Variants in PCDHGA4 observed in about 807,000 individuals in gnomAD.
PCDHGA4 encodes the protein protocadherin gamma-A4.
Under a neutral mutation model 54.6 loss-of-function variants are expected in PCDHGA4, and 38 were observed. That is an observed-to-expected ratio of 0.70 (90% CI 0.54 to 0.91). PCDHGA4 has a LOEUF of 0.91. PCDHGA4 is among the 40% of genes least tolerant of loss of function. The pLI, the probability that PCDHGA4 is intolerant of heterozygous loss-of-function variation, is 0.00. For missense variants in PCDHGA4, 1,298 were observed against 1,220.9 expected, an observed-to-expected ratio of 1.06 and a Z score of -0.94; for synonymous variants, 511 against 512.9, an observed-to-expected ratio of 1.00 and a Z score of 0.05.
chr5:141,454,351 C>T (rs1406631649), intron 1 of PCDHGA4, among the ~76,000 whole-genome samples: 2 of 152,152 alleles, frequency 1.3e-5, no homozygotes, highest in Non-Finnish European at 2.9e-5. Flanking sequence ...GAAGTTGATC[C>T]AAACTTAGAA....
In PCDHGA4 at chr5:141,355,321, G is replaced by A; in HGVS notation, c.214G>A (p.Glu72Lys). 1 of 1,613,994 alleles carries A rather than the reference G, an allele frequency of 6.2e-7. No homozygotes were observed. Residue 72 changes from glutamate (E) to lysine (K), a missense_variant, in exon 1 of 4, where the codon GAA becomes AAA. Glu to Lys is a moderately conservative substitution (Grantham distance 56). Coordinates refer to ENST00000571252, the MANE Select transcript of PCDHGA4 (RefSeq NM_018917.4). Reference protein sequence around the residue: ...ILYSVFEEQEEGSVVGNIAKD... With the variant: ...ILYSVFEEQEKGSVVGNIAKD... ...CTACTCGGTGTTTGAGGAGCAGGAA[G>A]AAGGCTCAGTGGTGGGCAACATCGC... is the stretch of plus-strand genomic sequence containing the variant.
At chr5:141,409,755 G>C (rs2095312141) in intron 1 of PCDHGA4, 1 of 1,613,024 alleles carries the variant, frequency 6.2e-7, no homozygotes, top group Non-Finnish European at 8.5e-7. Flanking sequence ...TTCGCGCAGC[G>C]CGCCTTTGAT....
At chr5:141,480,703 C>G (rs577131684) in intron 1 of PCDHGA4, among the ~76,000 whole-genome samples, 1 of 152,134 alleles carries the variant, frequency 6.6e-6, no homozygotes, top group African/African-American at 2.4e-5. Context: ...GGCCACACCC[C>G]GACAAATGAA....
intron 1 of PCDHGA4, among the ~76,000 whole-genome samples, chr5:141,380,766 T>C (rs1403335185): frequency 1.3e-5 from 2 of 152,224 alleles, no homozygotes; most frequent in Admixed American, 1.3e-4. Context: ...TATAAATTAA[T>C]TGAGACTTTT....
At chr5:141,374,245 G>A (rs1460959579) in intron 1 of PCDHGA4, 2 of 1,613,980 alleles carry the variant, frequency 1.2e-6, no homozygotes, top group Non-Finnish European at 1.7e-6. Context: ...ATCTGGGACT[G>A]GAGCCCCAGG....
intron 1 of PCDHGA4, among the ~76,000 whole-genome samples, chr5:141,455,808 A>G (rs2098832210): frequency 6.6e-6 from 1 of 152,050 alleles, no homozygotes; most frequent in Non-Finnish European, 1.5e-5. Flanking sequence ...TAAAAAATGA[A>G]AACTTCCCAA....
intron 1 of PCDHGA4, among the ~76,000 whole-genome samples, chr5:141,481,693 C>T (rs755007426): frequency 1.8e-4 from 27 of 152,020 alleles, no homozygotes; most frequent in Admixed American, 7.9e-4. Context: ...GTGGCTCACG[C>T]CTGTAATCCC....
At chr5:141,448,143 A>C (rs2098568288) in intron 1 of PCDHGA4, among the ~76,000 whole-genome samples, 1 of 152,012 alleles carries the variant, frequency 6.6e-6, no homozygotes, top group Admixed American at 6.6e-5. Context: ...ACTATACCTC[A>C]GACTCACCCC....
At chr5:141,462,584 A>C (rs959398950) in intron 1 of PCDHGA4, among the ~76,000 whole-genome samples, 1 of 152,124 alleles carries the variant, frequency 6.6e-6, no homozygotes, top group African/African-American at 2.4e-5. Context: ...CATCCAGTGA[A>C]GTTTCCATTT....
intron 1 of PCDHGA4, chr5:141,388,335 C>G: frequency 1.2e-6 from 2 of 1,613,810 alleles, no homozygotes; most frequent in Non-Finnish European, 1.7e-6. Context: ...GCCTGGCACA[C>G]GATTTATATT....
rs2099629299 is a variant in PCDHGA4, at chr5:141,486,426, A to G, written c.2515-8381A>G. ...GCTGGACCCTTGGATCGAGAGGCCA[A>G]ATCTAGCTATGACATCATGGTCACT... On this transcript the variant is annotated intron_variant, in intron 1 of 3. Transcript: ENST00000571252. The surrounding 1 kb of genome is among the most constrained non-coding windows in gnomAD (Gnocchi z 5.0). 1.9e-6 allele frequency: 3 copies of G among 1,614,190 alleles called. No individual in the cohort carries two copies. Among genetic ancestry groups the G allele is most frequent in the Non-Finnish European group, 2.5e-6 (3 of 1,180,026 alleles).
intron 3 of PCDHGA4, among the ~76,000 whole-genome samples, chr5:141,508,986 G>C (rs1298630784): frequency 2.0e-5 from 3 of 152,148 alleles, no homozygotes; most frequent in Non-Finnish European, 4.4e-5. Context: ...GTGGGGGCCA[G>C]CTGGGGTAGG....
chr5:141,388,941 C>G, intron 1 of PCDHGA4: 1 of 1,613,962 alleles, frequency 6.2e-7, no homozygotes, highest in South Asian at 1.1e-5. Context: ...TCTACCCAAC[C>G]TAATTATGGA....
At chr5:141,384,614 C>G (rs759348931) in intron 1 of PCDHGA4, 2 of 1,614,222 alleles carry the variant, frequency 1.2e-6, no homozygotes, top group Admixed American at 3.3e-5. Context: ...ACAGATGGTT[C>G]TACTGGCATG....
intron 1 of PCDHGA4, among the ~76,000 whole-genome samples, chr5:141,475,007 G>A (rs1017671344): frequency 2.0e-5 from 3 of 152,178 alleles, no homozygotes; most frequent in East Asian, 1.9e-4. Flanking sequence ...ATGCAGAAAA[G>A]TTAAGGCTCT....
chr5:141,393,304 T>A, intron 1 of PCDHGA4: 1 of 1,613,798 alleles, frequency 6.2e-7, no homozygotes, highest in African/African-American at 1.3e-5. Flanking sequence ...GATGTGGGCG[T>A]GAACTCCCTC....
At chr5:141,370,806 A>C in intron 1 of PCDHGA4, 1 of 1,614,054 alleles carries the variant, frequency 6.2e-7, no homozygotes, top group Non-Finnish European at 8.5e-7. Context: ...CCAAAATATC[A>C]CTGAGCTGGA....
rs187164796 is a variant in PCDHGA4, at chr5:141,398,527, A to C, written c.2514+40906A>C. On this transcript the variant is annotated intron_variant, in intron 1 of 3. Transcript: ENST00000571252. ...CATTAATGACCACACGCCAAAATTC[A>C]CGCAAAATTCCTTTGAGCTGCAAAT... 1.8e-3 allele frequency: 2,980 copies of C among 1,613,696 alleles called. 47 individuals are homozygous for C. The African/African-American group carries it at 0.033, about 18-fold the overall frequency.
chr5:141,405,295 C>T lies in PCDHGA4; in HGVS notation c.2514+47674C>T, dbSNP rs192426924. On this transcript the variant is annotated intron_variant, in intron 1 of 3. Transcript: ENST00000571252. ...CCAACTATGCAGACACACTCATCAG[C>T]CAGCAGAGCTGTGAGAAAAATGAGC... 26 of 1,614,180 alleles carry T rather than the reference C, an allele frequency of 1.6e-5. No individual in the cohort carries two copies. In the East Asian group the frequency reaches 4.0e-4, roughly 25 times the overall value.
Sources: allele counts gnomAD v4.1 joint callset (sites outside exome capture counted in the v4.1 genomes callset), GRCh38; gene constraint gnomAD v4.1.1; non-coding constraint Gnocchi (gnomAD v3.1); transcripts MANE v1.5; gene names NCBI Gene and HGNC (gene_info 2026-07-23, HGNC 2026-07-21).